GALNT2: variants seen among roughly 807,000 people sequenced by gnomAD.
GALNT2 encodes the protein UDP-GalNAc:polypeptide N-acetylgalactosaminyltransferase 2.
In GALNT2, 31 loss-of-function variants were observed where a neutral mutation model predicts 81.4. That is an observed-to-expected ratio of 0.38 (90% CI 0.29 to 0.51). The LOEUF (loss-of-function observed/expected upper bound fraction) is 0.51. Ranked by LOEUF, GALNT2 falls within the 20% of genes least tolerant of loss-of-function variation. The pLI is 0.87. For synonymous variants in GALNT2, 303 were observed against 287.4 expected, an observed-to-expected ratio of 1.05 and a Z score of -0.55; for missense variants, 629 against 765.7, an observed-to-expected ratio of 0.82 and a Z score of 2.11.
chr1:230,206,253 G>A (rs954828622), intron 3 of GALNT2, among the ~76,000 whole-genome samples: 6 of 152,032 alleles, frequency 3.9e-5, no homozygotes, highest in African/African-American at 1.5e-4. Flanking sequence ...TCCCTACAAA[G>A]TCCCCAAAAC....
chr1:230,245,867 A>T (rs1426049334), intron 7 of GALNT2, among the ~76,000 whole-genome samples, 196 bp from the exon 8 acceptor site: 2 of 152,258 alleles, frequency 1.3e-5, no homozygotes, highest in East Asian at 1.9e-4. Context: ...AGCAGGCCAC[A>T]GCACATCTGT....
chr1:230,207,353 C>G (rs760316399), intron 3 of GALNT2, among the ~76,000 whole-genome samples: 30 of 152,016 alleles, frequency 2.0e-4, no homozygotes, highest in Middle Eastern at 3.2e-3. Flanking sequence ...TATAATCCAC[C>G]CCTTATTACC....
intron 3 of GALNT2, among the ~76,000 whole-genome samples, chr1:230,225,695 T>TTA (rs1256068434): frequency 1.3e-5 from 2 of 151,262 alleles, no homozygotes; most frequent in African/African-American, 2.4e-5. Flanking sequence ...TTTTTTTTTT[T>TTA]AACCTCTGTG....
At chr1:230,270,747 T>C (rs1457692523) in intron 14 of GALNT2, among the ~76,000 whole-genome samples, 1 of 152,238 alleles carries the variant, frequency 6.6e-6, no homozygotes, top group African/African-American at 2.4e-5. Context: ...TTATCTGGTT[T>C]CCGGCTGAGC....
At chr1:230,157,639 C>T (rs565672108) in intron 1 of GALNT2, among the ~76,000 whole-genome samples, 41 of 152,278 alleles carry the variant, frequency 2.7e-4, no homozygotes, top group African/African-American at 9.1e-4. Context: ...CAGCATGTGG[C>T]GGGATACCTC....
intron 1 of GALNT2, among the ~76,000 whole-genome samples, chr1:230,145,916 C>T (rs1450836688): frequency 1.3e-5 from 2 of 152,190 alleles, no homozygotes; most frequent in Non-Finnish European, 2.9e-5. Context: ...AGATGCTCGC[C>T]GCTTGCATTT....
chr1:230,110,714 G>GTTTTTT (rs113630188), intron 1 of GALNT2, among the ~76,000 whole-genome samples: 13,770 of 137,136 alleles, frequency 0.1, 839 homozygotes, highest in Non-Finnish European at 0.11. Flanking sequence ...GTGCTTTTCT[G>GTTTTTT]TTTTTTTTTT....
At chr1:230,063,486 T>C (rs1237575105), upstream of GALNT2, among the ~76,000 whole-genome samples, 9 of 152,252 alleles carry the variant, frequency 5.9e-5, no homozygotes, top group Non-Finnish European at 7.3e-5. Flanking sequence ...CTTGCAGTTT[T>C]GACTTTGTCT....
At chr1:230,074,334 C>T (rs1047541645) in intron 1 of GALNT2, among the ~76,000 whole-genome samples, 2 of 152,196 alleles carry the variant, frequency 1.3e-5, no homozygotes, top group African/African-American at 2.4e-5. Context: ...CTGCCTTGGC[C>T]TCCCAAAGCA....
intron 10 of GALNT2, among the ~76,000 whole-genome samples, chr1:230,253,844 A>T (rs2102751712): frequency 6.6e-6 from 1 of 152,108 alleles, no homozygotes; most frequent in African/African-American, 2.4e-5. Context: ...CCCAGCCTTT[A>T]CTATCCTCCG....
At chr1:230,277,254 G>A (rs752194454) in intron 15 of GALNT2, among the ~76,000 whole-genome samples, 5 of 152,092 alleles carry the variant, frequency 3.3e-5, no homozygotes, top group African/African-American at 9.7e-5. Flanking sequence ...GAAAATCTGC[G>A]CTCCCCACCC....
At chr1:230,113,709 T>C (rs1259980115) in intron 1 of GALNT2, among the ~76,000 whole-genome samples, 1 of 152,124 alleles carries the variant, frequency 6.6e-6, no homozygotes, top group Non-Finnish European at 1.5e-5. Context: ...TTTCAGATGC[T>C]CTTCTCCTTG....
In GALNT2 at chr1:230,239,600, T is replaced by C. The variant is rs1481709227; in HGVS notation, c.607+2875T>C. Among the ~76,000 whole-genome samples the C allele has an allele frequency of 5.9e-5, 9 of 152,356 alleles. No homozygotes were observed. In the East Asian group the frequency reaches 1.7e-3, roughly 29 times the overall value. ...CTTCTGTCTGCTTTTATTCTGGCCG[T>C]GCTGGCAGCTGATTAGATTGTGCCC... On this transcript the variant is annotated intron_variant, in intron 6 of 15. Transcript: ENST00000366672.
At chr1:230,088,462 A>T in intron 1 of GALNT2, among the ~76,000 whole-genome samples, 1 of 151,440 alleles carries the variant, frequency 6.6e-6, no homozygotes. Flanking sequence ...AATTCATGTA[A>T]CATAAAATTA....
At chr1:230,075,842 G>T (rs1659535616) in intron 1 of GALNT2, among the ~76,000 whole-genome samples, 1 of 152,182 alleles carries the variant, frequency 6.6e-6, no homozygotes, top group Admixed American at 6.5e-5. Context: ...AGGCTCATGG[G>T]GAAGGCAGGA....
intron 2 of GALNT2, 84 bp downstream of exon 2, chr1:230,178,395 G>T: frequency 2.0e-6 from 2 of 1,013,994 alleles, no homozygotes; most frequent in South Asian, 1.5e-5. Context: ...CAGGTGGTCT[G>T]TGGGGAGAGG....
At chr1:230,244,099 G>A (rs577491291) in intron 7 of GALNT2, among the ~76,000 whole-genome samples, 1 of 151,500 alleles carries the variant, frequency 6.6e-6, no homozygotes, top group East Asian at 2.0e-4. Flanking sequence ...ACTTCCTTGG[G>A]GGCGATAAAG....
In GALNT2 at chr1:230,271,315, T is replaced by A. The variant is rs1054261580; in HGVS notation, c.1441-3130T>A. Among the ~76,000 whole-genome samples the A allele has an allele frequency of 3.9e-5, 6 of 152,218 alleles. No homozygotes were observed. The highest frequency in any genetic ancestry group is 1.4e-4 in the African/African-American group (6 of 41,456). The stretch of plus-strand genomic sequence containing the variant: ...CTTCCATACTCTGTGACCCAGTGAA[T>A]AGGAAAAAAGCTGCTTTTCCTCCTT... On this transcript the variant is annotated intron_variant, in intron 14 of 15. Coordinates refer to ENST00000366672, the MANE Select transcript of GALNT2 (RefSeq NM_004481.5). This position sits in a 1 kb window ranked among gnomAD's most constrained non-coding sequence, Gnocchi z 4.2.
chr1:230,197,243 G>T (rs1327097722), intron 2 of GALNT2, among the ~76,000 whole-genome samples: 1 of 152,130 alleles, frequency 6.6e-6, no homozygotes. Flanking sequence ...GTAGACGTAG[G>T]TGAAATCATC....
Sources: allele counts gnomAD v4.1 joint callset (sites outside exome capture counted in the v4.1 genomes callset), GRCh38; gene constraint gnomAD v4.1.1; non-coding constraint Gnocchi (gnomAD v3.1); transcripts MANE v1.5; gene names NCBI Gene and HGNC (gene_info 2026-07-23, HGNC 2026-07-21).